MDFIC2: variants seen among roughly 807,000 people sequenced by gnomAD.
MDFIC2 encodes myoD family inhibitor domain-containing protein 2.
chr3:70,261,712 C>T lies in MDFIC2; in HGVS notation c.88+50174G>A, dbSNP rs115739387. On this transcript the variant is annotated intron_variant, in intron 2 of 3. Transcript: ENST00000567252. The stretch of plus-strand genomic sequence containing the variant: ...ATGCCAAGTTATCTTGCAGATGTAG[C>T]AAAGCCAAAACTGCAAGTCATATAA... 1.7e-3 allele frequency among the ~76,000 whole-genome samples: 253 copies of T among 152,206 alleles called. 1 individual carries two copies. The highest frequency in any genetic ancestry group is 5.9e-3 in the African/African-American group (245 of 41,540).
intron 2 of MDFIC2, among the ~76,000 whole-genome samples, chr3:70,219,820 A>T (rs1298045286): frequency 6.6e-6 from 1 of 152,178 alleles, no homozygotes; most frequent in Non-Finnish European, 1.5e-5. Context: ...TGGCAAAATG[A>T]TGCCAAACTC....
In MDFIC2 at chr3:70,232,589, G is replaced by A. The variant is rs149890820; in HGVS notation, c.89-25799C>T. Among the ~76,000 whole-genome samples, 249 of 151,900 alleles carry A rather than the reference G, an allele frequency of 1.6e-3. 1 individual carries two copies. Among genetic ancestry groups the A allele is most frequent in the African/African-American group, 5.6e-3 (234 of 41,448 alleles). ...TATTTTTTGTATTTTTGATAGAGAC[G>A]GGGTTTCACTGTGTGGGCCAGGATG... On this transcript the variant is annotated intron_variant, in intron 2 of 3. Transcript: ENST00000567252.
Position 70,196,004 on chromosome 3 carries a change from T to G in MDFIC2, c.*922A>C, listed in dbSNP as rs1701174690. ...GAAGCACATGCTATATTAAGAAGCT[T>G]GGTGCTGAATAAGTACCCTCAACGC... On this transcript the variant is annotated 3_prime_UTR_variant, in exon 4 of 4. Transcript: ENST00000567252. Among the ~76,000 whole-genome samples, 1 of 152,218 alleles carries G rather than the reference T, an allele frequency of 6.6e-6. No individual in the cohort carries two copies. Among genetic ancestry groups the G allele is most frequent in the Non-Finnish European group, 1.5e-5 (1 of 68,040 alleles).
intron 2 of MDFIC2, among the ~76,000 whole-genome samples, chr3:70,252,699 A>AT (rs920328562): frequency 2.5e-4 from 38 of 152,092 alleles, no homozygotes; most frequent in Non-Finnish European, 4.6e-4. Flanking sequence ...TTATTTATTT[A>AT]TTTTTTTAAA....
At chr3:70,306,770 TC>T (rs959255503) in intron 2 of MDFIC2, among the ~76,000 whole-genome samples, 12 of 152,106 alleles carry the variant, frequency 7.9e-5, no homozygotes, top group Non-Finnish European at 1.6e-4. Flanking sequence ...GAATAAAATG[TC>T]CCACTAAAAC....
At chr3:70,223,984 T>C (rs886522311) in intron 2 of MDFIC2, among the ~76,000 whole-genome samples, 2 of 152,158 alleles carry the variant, frequency 1.3e-5, no homozygotes, top group African/African-American at 2.4e-5. Flanking sequence ...CTATCTCTAT[T>C]GGAAATATGC....
chr3:70,211,507 G>T (rs1021502813), intron 2 of MDFIC2, among the ~76,000 whole-genome samples: 5 of 5,288 alleles, frequency 9.5e-4, no homozygotes, highest in African/African-American at 1.6e-3. Context: ...CCTTCCCTTT[G>T]CCCTTCCCTT....
intron 2 of MDFIC2, among the ~76,000 whole-genome samples, chr3:70,253,109 T>C (rs758428377): frequency 6.6e-6 from 1 of 151,894 alleles, no homozygotes; most frequent in Non-Finnish European, 1.5e-5. Flanking sequence ...GAGAAACTAA[T>C]ACCTAAAATA....
intron 2 of MDFIC2, among the ~76,000 whole-genome samples, chr3:70,256,454 G>A (rs1701817031): frequency 6.6e-6 from 1 of 152,190 alleles, no homozygotes; most frequent in Non-Finnish European, 1.5e-5. Flanking sequence ...TCTAATTTAA[G>A]GAGGTATATT....
At chr3:70,224,947 T>G (rs1422282559) in intron 2 of MDFIC2, among the ~76,000 whole-genome samples, 1 of 152,190 alleles carries the variant, frequency 6.6e-6, no homozygotes, top group Non-Finnish European at 1.5e-5. Context: ...TTCATTAGTT[T>G]TGACTAAATA....
chr3:70,231,434 C>T (rs572905972), intron 2 of MDFIC2, among the ~76,000 whole-genome samples: 58 of 152,314 alleles, frequency 3.8e-4, no homozygotes, highest in Non-Finnish European at 7.3e-4. Context: ...CCGACGCCTT[C>T]CTGAGTGAAA....
chr3:70,209,246 C>T (rs1219657353), intron 2 of MDFIC2, among the ~76,000 whole-genome samples: 4 of 151,888 alleles, frequency 2.6e-5, no homozygotes, highest in East Asian at 3.9e-4. Flanking sequence ...TTAGTGGTAT[C>T]GTAGTCTTTT....
chr3:70,306,650 T>C (rs1317240911), intron 2 of MDFIC2, among the ~76,000 whole-genome samples: 1 of 152,114 alleles, frequency 6.6e-6, no homozygotes, highest in Admixed American at 6.6e-5. Context: ...TTAACAGTCA[T>C]TGGACAGCAC....
chr3:70,272,505 CT>C lies in MDFIC2; in HGVS notation c.88+39380del, dbSNP rs368383052. Among the ~76,000 whole-genome samples, 125 of 152,328 alleles carry C rather than the reference CT, an allele frequency of 8.2e-4. No homozygotes were observed. In the East Asian group the frequency reaches 0.017, roughly 20 times the overall value. ...CCAAAATTTGTTTATCTGTTCTCCC[CT>C]GATGGATGTTTGGATGTTTCCTGTT... On this transcript the variant is annotated intron_variant, in intron 2 of 3. Transcript: ENST00000567252.
intron 2 of MDFIC2, among the ~76,000 whole-genome samples, chr3:70,297,120 A>C (rs1183908109): frequency 6.6e-6 from 1 of 152,122 alleles, no homozygotes; most frequent in Non-Finnish European, 1.5e-5. Context: ...TTTCTCTCTG[A>C]ACCTTGCTTA....
At chr3:70,265,456 A>G (rs894430056) in intron 2 of MDFIC2, among the ~76,000 whole-genome samples, 2 of 138,670 alleles carry the variant, frequency 1.4e-5, no homozygotes, top group Admixed American at 1.4e-4. Context: ...CCACCACCCC[A>G]ACCCACCCCA....
intron 2 of MDFIC2, among the ~76,000 whole-genome samples, chr3:70,279,643 G>A (rs1575613915): frequency 6.6e-6 from 1 of 152,258 alleles, no homozygotes; most frequent in South Asian, 2.1e-4. Context: ...TACATGCTGA[G>A]TCCTATTTGC....
chr3:70,261,059 A>G (rs1025217258), intron 2 of MDFIC2, among the ~76,000 whole-genome samples: 2 of 152,206 alleles, frequency 1.3e-5, no homozygotes, highest in East Asian at 1.9e-4. Context: ...CAGTAAGAAT[A>G]TAAGCACTTC....
chr3:70,290,832 G>T (rs932254287), intron 2 of MDFIC2, among the ~76,000 whole-genome samples: 1 of 152,168 alleles, frequency 6.6e-6, no homozygotes, highest in Non-Finnish European at 1.5e-5. Context: ...TCCAGGTGCG[G>T]TCCTCACCCC....
Sources: gnomAD v4.1 joint callset for allele counts (sites outside exome capture counted in the v4.1 genomes callset) on GRCh38, gnomAD v4.1.1 for gene constraint, MANE v1.5 for transcripts, NCBI Gene and HGNC (gene_info 2026-07-23, HGNC 2026-07-21) for gene names.